Variants in TCF15 observed in about 807,000 individuals in gnomAD.
TCF15 encodes the protein TCF-15.
Under a neutral mutation model 11.1 loss-of-function variants are expected in TCF15, and 7 were observed. The ratio of observed to expected loss-of-function variants is 0.63; its 90% confidence interval spans 0.36 to 1.19. The LOEUF is 1.19. Ranked by LOEUF, TCF15 falls within the 50% of genes most tolerant of loss-of-function variation. TCF15 has a pLI of 0.02. For synonymous variants in TCF15, 144 were observed against 138.9 expected (o/e 1.04, Z -0.26); for missense variants, 288 against 289.4 (o/e 1.00, Z 0.03).
At chr20:606,075 G>T (rs2019972145) in intron 1 of TCF15, among the ~76,000 whole-genome samples, 1 of 151,872 alleles carries the variant, frequency 6.6e-6, no homozygotes, top group Non-Finnish European at 1.5e-5. Context: ...CCAGGTCCAG[G>T]TTGGGGCAGA....
rs901575303 is a variant in TCF15, at chr20:609,021, G to A, written c.525+692C>T. ...AGCTCCCTCCAGCTGACCCAAGAGT[G>A]CCCTCTCCCAACACCACGTCCTTTT... is the stretch of plus-strand genomic sequence containing the variant. On this transcript the variant is annotated intron_variant, in intron 1 of 1. Coordinates refer to ENST00000246080, the MANE Select transcript of TCF15 (RefSeq NM_004609.4). The surrounding 1 kb of genome is among the most constrained non-coding windows in gnomAD (Gnocchi z 4.7). 3.3e-5 allele frequency among the ~76,000 whole-genome samples: 5 copies of A among 152,036 alleles called. No individual in the cohort carries two copies. Among genetic ancestry groups the A allele is most frequent in the African/African-American group, 7.2e-5 (3 of 41,406 alleles).
Position 604,858 on chromosome 20 carries a change from G to A in TCF15, c.526-193C>T, listed in dbSNP as rs2019959329. 6.6e-6 allele frequency among the ~76,000 whole-genome samples: 1 copy of A among 152,174 alleles called. No individual in the cohort carries two copies. The highest frequency in any genetic ancestry group is 2.4e-5 in the African/African-American group (1 of 41,450). ...GACTGCTGCCAAATGACAATGTTTA[G>A]GGACAAAAGCAAGGGGCAGGCTGAA... On this transcript the variant is annotated intron_variant, in intron 1 of 1. Coordinates refer to ENST00000246080, the MANE Select transcript of TCF15 (RefSeq NM_004609.4). This position sits in a 1 kb window ranked among gnomAD's most constrained non-coding sequence, Gnocchi z 4.2.
chr20:605,018 G>C (rs961553163), intron 1 of TCF15, among the ~76,000 whole-genome samples: 2 of 152,120 alleles, frequency 1.3e-5, no homozygotes, highest in African/African-American at 4.8e-5. Flanking sequence ...TTGAGATGGA[G>C]TCTTGCTCTG....
chr20:609,435 C>G lies in TCF15; in HGVS notation c.525+278G>C, dbSNP rs1210453060. ...TTACTCAGTCCTCATGCCGTCTTCCCAGCAGGAAGGAAGTTCCAGCACACC... is the reference window on the plus strand; with the variant it reads ...TTACTCAGTCCTCATGCCGTCTTCCGAGCAGGAAGGAAGTTCCAGCACACC... On this transcript the variant is annotated intron_variant, in intron 1 of 1. Transcript: ENST00000246080. The surrounding 1 kb of genome is among the most constrained non-coding windows in gnomAD (Gnocchi z 4.7). 2.0e-5 allele frequency among the ~76,000 whole-genome samples: 3 copies of G among 152,208 alleles called. No homozygotes were observed. The highest frequency in any genetic ancestry group is 4.4e-5 in the Non-Finnish European group (3 of 68,030).
At position 604,531 on chromosome 20, in the gene TCF15, G is replaced by A; in HGVS notation, c.*60C>T. The A allele has an allele frequency of 6.8e-7, 1 of 1,475,410 alleles. No homozygotes were observed. Among genetic ancestry groups the A allele is most frequent in the South Asian group, 1.2e-5 (1 of 82,684 alleles). 91.4% of individuals were successfully genotyped at this position (1,475,410 alleles called of 1,614,324 possible). ...AAAGAAGGGGTGGGCTTGGCTCCTGGGGTCTTCTTCCCTGTCCAGCCAGTG... is the reference window on the plus strand; with the variant it reads ...AAAGAAGGGGTGGGCTTGGCTCCTGAGGTCTTCTTCCCTGTCCAGCCAGTG... On this transcript the variant is annotated 3_prime_UTR_variant, in exon 2 of 2. Coordinates refer to ENST00000246080, the MANE Select transcript of TCF15 (RefSeq NM_004609.4). The surrounding 1 kb of genome is among the most constrained non-coding windows in gnomAD (Gnocchi z 4.2).
chr20:609,650 C>A lies in TCF15; in HGVS notation c.525+63G>T. ...GACCCCTGCACCTCTCCGGTTCCCG[C>A]AGAGGCGCTGCCCCCCGCCTACCCC... On this transcript the variant is annotated intron_variant, in intron 1 of 1. Transcript: ENST00000246080. This position sits in a 1 kb window ranked among gnomAD's most constrained non-coding sequence, Gnocchi z 4.7. The A allele has an allele frequency of 7.6e-7, 1 of 1,312,294 alleles. No homozygotes were observed. Among genetic ancestry groups the A allele is most frequent in the Non-Finnish European group, 9.6e-7 (1 of 1,038,310 alleles). 81.3% of individuals were successfully genotyped at this position (1,312,294 alleles called of 1,614,324 possible). A position where few individuals can be genotyped will look rare whatever the true frequency, so the allele number is the denominator to read the frequency against.
chr20:606,587 C>A (rs1335605474), intron 1 of TCF15, among the ~76,000 whole-genome samples: 2 of 152,110 alleles, frequency 1.3e-5, no homozygotes, highest in African/African-American at 4.8e-5. Flanking sequence ...GAGGCCGAGG[C>A]AGGCGGATCA....
At position 610,017 on chromosome 20, in the gene TCF15, C is replaced by G; in HGVS notation, c.221G>C (p.Arg74Pro). ...CCGCTCCCGCGCGTTGGCCGCCTGCCGCTGTCGCACCACCACCACGGGGCC... is the reference window on the plus strand; with the variant it reads ...CCGCTCCCGCGCGTTGGCCGCCTGCGGCTGTCGCACCACCACCACGGGGCC... ...GAGPVVVVRQ[R>P]QAANARERDR... The change falls in exon 1 of 2, where the codon CGG (arginine) becomes CCG (proline). Residue 74 changes from arginine to proline, a missense_variant. Physicochemically the swap from Arg to Pro is moderately radical, Grantham distance 103. Coordinates refer to ENST00000246080, the MANE Select transcript of TCF15 (RefSeq NM_004609.4). 7.5e-7 allele frequency: 1 copy of G among 1,325,014 alleles called. No homozygotes were observed. Among genetic ancestry groups the G allele is most frequent in the East Asian group, 3.2e-5 (1 of 30,824 alleles). 82.1% of individuals were successfully genotyped at this position (1,325,014 alleles called of 1,614,324 possible).
intron 1 of TCF15, among the ~76,000 whole-genome samples, chr20:606,742 C>G (rs941698957): frequency 1.3e-5 from 2 of 150,470 alleles, no homozygotes; most frequent in Non-Finnish European, 2.9e-5. Flanking sequence ...TGCTTGAACC[C>G]GGGAGGCGGA....
At chr20:607,252 G>T (rs1300155374) in intron 1 of TCF15, among the ~76,000 whole-genome samples, 1 of 152,204 alleles carries the variant, frequency 6.6e-6, no homozygotes, top group Non-Finnish European at 1.5e-5. Flanking sequence ...ACAGGGCAGA[G>T]ACAAGAACCC....
intron 1 of TCF15, among the ~76,000 whole-genome samples, chr20:607,213 A>G (rs1333187384): frequency 6.6e-6 from 1 of 152,174 alleles, no homozygotes; most frequent in African/African-American, 2.4e-5. Flanking sequence ...GATCCTGTCC[A>G]ATCCTCACCC....
At position 604,320 on chromosome 20, in the gene TCF15, C is replaced by G; in HGVS notation, c.*271G>C. On this transcript the variant is annotated 3_prime_UTR_variant, in exon 2 of 2. Coordinates refer to ENST00000246080, the MANE Select transcript of TCF15 (RefSeq NM_004609.4). This position sits in a 1 kb window ranked among gnomAD's most constrained non-coding sequence, Gnocchi z 4.2. ...TCTCTCTCACACACACTCACACTCA[C>G]GCACAGATACACACACACCCTGTCA... 1 of 556,528 alleles carries G rather than the reference C, an allele frequency of 1.8e-6. No individual in the cohort carries two copies. The highest frequency in any genetic ancestry group is 2.0e-5 in the South Asian group (1 of 49,434). The allele number at this position is 556,528 out of a possible 1,614,324, so 34.5% of individuals were successfully genotyped here. A position where few individuals can be genotyped will look rare whatever the true frequency, so the allele number is the denominator to read the frequency against.
chr20:608,639 G>A (rs1242489983), intron 1 of TCF15, among the ~76,000 whole-genome samples: 1 of 152,230 alleles, frequency 6.6e-6, no homozygotes, highest in African/African-American at 2.4e-5. Flanking sequence ...AGAGGCCTCC[G>A]CAGAACAGGG....
At position 610,001 on chromosome 20, in the gene TCF15, C is replaced by CG; in HGVS notation, c.236dup (p.Arg80AlafsTer101). ...CGCTCTGAGTGCGGTCCCGCTCCCG[C>CG]GCGTTGGCCGCCTGCCGCTGTCGCA... On this transcript the variant is annotated frameshift_variant, in exon 1 of 2. Transcript: ENST00000246080. LOFTEE classifies it high-confidence loss of function. 7.5e-7 allele frequency: 1 copy of CG among 1,337,050 alleles called. No individual in the cohort carries two copies. Among genetic ancestry groups the CG allele is most frequent in the East Asian group, 3.2e-5 (1 of 31,312 alleles). The allele number at this position is 1,337,050 out of a possible 1,614,324, so 82.8% of individuals were successfully genotyped here.
chr20:607,236 G>C (rs1302316952), intron 1 of TCF15, among the ~76,000 whole-genome samples: 1 of 152,170 alleles, frequency 6.6e-6, no homozygotes, highest in Non-Finnish European at 1.5e-5. Flanking sequence ...AGGTGACAAA[G>C]GGAAAACAGG....
rs1216037456 is a variant in TCF15 at position 610,275 on chromosome 20, C to T, written c.-38G>A. 12 of 988,404 alleles carry T rather than the reference C, an allele frequency of 1.2e-5. No homozygotes were observed. The highest frequency in any genetic ancestry group is 4.5e-5 in the South Asian group (1 of 22,132). 61.2% of individuals were successfully genotyped at this position (988,404 alleles called of 1,614,324 possible). A position where few individuals can be genotyped will look rare whatever the true frequency, so the allele number is the denominator to read the frequency against. On this transcript the variant is annotated 5_prime_UTR_variant, in exon 1 of 2. Coordinates refer to ENST00000246080, the MANE Select transcript of TCF15 (RefSeq NM_004609.4). The stretch of plus-strand genomic sequence containing the variant: ...CGTCCCTCCGTGCGCCGCGTCCCAG[C>T]GTCGGCCGCGCCCCGCCGTGCGCTC...
In TCF15 at chr20:604,728, C is replaced by T; in HGVS notation, c.526-63G>A. ...AGGCCAGTGTGAACACTGGAACTAA[C>T]CTCTGTATCCCTCAAGAGGGATCCT... On this transcript the variant is annotated intron_variant, in intron 1 of 1. Coordinates refer to ENST00000246080, the MANE Select transcript of TCF15 (RefSeq NM_004609.4). The surrounding 1 kb of genome is among the most constrained non-coding windows in gnomAD (Gnocchi z 4.2). 1 of 1,247,122 alleles carries T rather than the reference C, an allele frequency of 8.0e-7. No individual in the cohort carries two copies. Among genetic ancestry groups the T allele is most frequent in the South Asian group, 1.5e-5 (1 of 66,956 alleles). 77.3% of individuals were successfully genotyped at this position (1,247,122 alleles called of 1,614,324 possible). A position where few individuals can be genotyped will look rare whatever the true frequency, so the allele number is the denominator to read the frequency against.
chr20:607,272 C>T (rs4815799), intron 1 of TCF15, among the ~76,000 whole-genome samples: 18,026 of 152,212 alleles, frequency 0.12, 1,306 homozygotes, highest in Admixed American at 0.19. Flanking sequence ...CCCTTTCCAC[C>T]TCCCACGTGC....
At chr20:607,568 G>C (rs181164189) in intron 1 of TCF15, among the ~76,000 whole-genome samples, 34 of 152,378 alleles carry the variant, frequency 2.2e-4, no homozygotes, top group Admixed American at 1.8e-3. Flanking sequence ...CCGTGGGGTT[G>C]AGAGCATGGT....
Sources: allele counts gnomAD v4.1 joint callset (sites outside exome capture counted in the v4.1 genomes callset), GRCh38; gene constraint gnomAD v4.1.1; non-coding constraint Gnocchi (gnomAD v3.1); transcripts MANE v1.5; gene names NCBI Gene and HGNC (gene_info 2026-07-23, HGNC 2026-07-21).